XPO1: variants seen among roughly 807,000 people sequenced by gnomAD.
XPO1 encodes exportin 1.
XPO1 carries 5 observed loss-of-function variants against 133.3 expected under a neutral mutation model. The observed-to-expected ratio is 0.04, with a 90% CI of 0.02 to 0.08. XPO1 has a LOEUF of 0.08. Ranked by LOEUF, XPO1 falls within the 10% of genes least tolerant of loss-of-function variation. The pLI, the probability that XPO1 is intolerant of heterozygous loss-of-function variation, is 1.00. For synonymous variants in XPO1, 419 were observed against 408.2 expected, an observed-to-expected ratio of 1.03 and a Z score of -0.32; for missense variants, 506 against 1,267.5, an observed-to-expected ratio of 0.40 and a Z score of 9.12.
chr2:61,495,018 A>G (rs1274821810), intron 11 of XPO1, among the ~76,000 whole-genome samples: 1 of 151,684 alleles, frequency 6.6e-6, no homozygotes, highest in Non-Finnish European at 1.5e-5. Flanking sequence ...ATTTTTTTGT[A>G]TTTTTAATAG....
chr2:61,482,235 G>T (rs2104284476), intron 23 of XPO1, 145 bp downstream of exon 23: 1 of 345,654 alleles, frequency 2.9e-6, no homozygotes, highest in South Asian at 5.7e-5. Context: ...GTAGAGACGG[G>T]ATCTTGTTTT....
At chr2:61,483,381 G>A (rs1696500063) in intron 21 of XPO1, 3 of 300,636 alleles carry the variant, frequency 1.0e-5, no homozygotes, top group Admixed American at 9.9e-5. Flanking sequence ...GGCAGGAGTG[G>A]GTGAGGGATA....
chr2:61,523,705 T>C (rs1698793208), intron 3 of XPO1, among the ~76,000 whole-genome samples: 1 of 152,210 alleles, frequency 6.6e-6, no homozygotes, highest in African/African-American at 2.4e-5. Flanking sequence ...CACAATAAAA[T>C]AGGAGCATTA....
intron 4 of XPO1, among the ~76,000 whole-genome samples, chr2:61,505,952 C>A (rs889138847): frequency 1.3e-5 from 2 of 152,148 alleles, no homozygotes; most frequent in African/African-American, 4.8e-5. Context: ...AGTACTAACC[C>A]TTTTGTTCCT....
intron 4 of XPO1, among the ~76,000 whole-genome samples, chr2:61,513,076 T>C (rs1009594151): frequency 2.6e-5 from 4 of 152,124 alleles, no homozygotes; most frequent in Non-Finnish European, 5.9e-5. Context: ...GATGCTTTTT[T>C]CAGACAGGGT....
chr2:61,510,757 C>G (rs1384444572), intron 4 of XPO1, among the ~76,000 whole-genome samples: 1 of 151,748 alleles, frequency 6.6e-6, no homozygotes, highest in African/African-American at 2.4e-5. Flanking sequence ...GGCAACATAG[C>G]GAGACCCCAT....
In XPO1 at chr2:61,488,277, A is replaced by G; in HGVS notation, c.2207-6T>C. 1 of 1,611,328 alleles carries G rather than the reference A, an allele frequency of 6.2e-7. No individual in the cohort carries two copies. Among genetic ancestry groups the G allele is most frequent in the South Asian group, 1.1e-5 (1 of 90,986 alleles). Reference sequence around the variant, plus strand: ...TTGCTTTGTAACCATTTCACCTACAAAACAGAATCAAATGGAATCTAATTT... The same window carrying G: ...TTGCTTTGTAACCATTTCACCTACAGAACAGAATCAAATGGAATCTAATTT... On this transcript the variant is annotated splice_region_variant and splice_polypyrimidine_tract_variant and intron_variant, in intron 18 of 24. Coordinates refer to ENST00000401558, the MANE Select transcript of XPO1 (RefSeq NM_003400.4).
intron 4 of XPO1, among the ~76,000 whole-genome samples, chr2:61,506,555 T>C (rs948772917): frequency 1.6e-5 from 2 of 126,614 alleles, no homozygotes; most frequent in African/African-American, 3.1e-5. Flanking sequence ...GCCAAGATCG[T>C]GCCACTGCAC....
At chr2:61,538,450 C>G (rs1053374701), upstream of XPO1, 3 of 152,976 alleles carry the variant, frequency 2.0e-5, no homozygotes, top group East Asian at 1.9e-4. Flanking sequence ...CCAGTCAATC[C>G]CGCCTCACGG....
rs372347442 is a variant in XPO1, at chr2:61,492,905, A to C, written c.1384+10T>G. 1.3e-6 allele frequency: 2 copies of C among 1,591,432 alleles called. No homozygotes were observed. Among genetic ancestry groups the C allele is most frequent in the African/African-American group, 2.7e-5 (2 of 74,010 alleles). On this transcript the variant is annotated intron_variant, in intron 13 of 24. Transcript: ENST00000401558. The surrounding 1 kb of genome is among the most constrained non-coding windows in gnomAD (Gnocchi z 5.6). The stretch of plus-strand genomic sequence containing the variant: ...ATAAAGGTAAAGATTAACAGTATTT[A>C]TTAACTTACCCAATGTTTCCCTCAT...
intron 19 of XPO1, 99 bp downstream of exon 19, chr2:61,488,066 T>TA: frequency 2.0e-6 from 2 of 989,634 alleles, no homozygotes; most frequent in Non-Finnish European, 3.1e-6. Flanking sequence ...ACAAAGTTGA[T>TA]ATGCTTTAAA....
At position 61,492,761 on chromosome 2, in the gene XPO1, A is replaced by C; in HGVS notation, c.1385-13T>G. On this transcript the variant is annotated splice_polypyrimidine_tract_variant and intron_variant, in intron 13 of 24. Coordinates refer to ENST00000401558, the MANE Select transcript of XPO1 (RefSeq NM_003400.4). The surrounding 1 kb of genome is among the most constrained non-coding windows in gnomAD (Gnocchi z 5.6). ...TGAGTAAGATAAACTACAAAGAAAAACATGGTTTCAAATGCAAATAATGAG... is the reference window on the plus strand; with the variant it reads ...TGAGTAAGATAAACTACAAAGAAAACCATGGTTTCAAATGCAAATAATGAG... 1 of 1,608,446 alleles carries C rather than the reference A, an allele frequency of 6.2e-7. No homozygotes were observed. Among genetic ancestry groups the C allele is most frequent in the Non-Finnish European group, 8.5e-7 (1 of 1,178,608 alleles).
In XPO1 at chr2:61,490,716, G is replaced by T. The variant is rs1200729174; in HGVS notation, c.1948C>A (p.Gln650Lys). Residue 650 changes from glutamine (Q) to lysine (K), a missense_variant, in exon 17 of 25, where the codon CAA becomes AAA. By Grantham distance (53) the Gln-to-Lys change is moderately conservative. Coordinates refer to ENST00000401558, the MANE Select transcript of XPO1 (RefSeq NM_003400.4). ...ATGTACTTTTCTATCAAGTGTTCTT[G>T]TACTGTTTGATCTGTTTGTGCACCA... Reference protein sequence around the residue: ...MIGAQTDQTVQEHLIEKYMLL... With the variant: ...MIGAQTDQTVKEHLIEKYMLL... The T allele has an allele frequency of 6.2e-7, 1 of 1,613,998 alleles. No individual in the cohort carries two copies.
chr2:61,490,726 A>G lies in XPO1; in HGVS notation c.1938T>C (p.Asp646=). 2 of 1,614,174 alleles carry G rather than the reference A, an allele frequency of 1.2e-6. No individual in the cohort carries two copies. The highest frequency in any genetic ancestry group is 1.1e-5 in the South Asian group (1 of 91,090). Residue 646 remains aspartate, a synonymous_variant, in exon 17 of 25, where the codon GAT becomes GAC. Coordinates refer to ENST00000401558, the MANE Select transcript of XPO1 (RefSeq NM_003400.4). The stretch of plus-strand genomic sequence containing the variant: ...CTATCAAGTGTTCTTGTACTGTTTG[A>G]TCTGTTTGTGCACCAATCATGTACC... The part of the protein sequence containing the change: ...AVGYMIGAQT[D]QTVQEHLIEK...
intron 3 of XPO1, chr2:61,526,072 A>G: frequency 8.9e-7 from 1 of 1,120,746 alleles, no homozygotes; most frequent in East Asian, 4.9e-5. Flanking sequence ...CCTGGCCTGT[A>G]TTATATTGAT....
In XPO1 at chr2:61,497,079, A is replaced by T. The variant is rs1017977520; in HGVS notation, c.760-72T>A. ...ACACTTTACTTAAAATTCACAATTA[A>T]AAGGAAAAAGGCTTTAACAATTAAA... is the stretch of plus-strand genomic sequence containing the variant. On this transcript the variant is annotated intron_variant, in intron 9 of 24. Coordinates refer to ENST00000401558, the MANE Select transcript of XPO1 (RefSeq NM_003400.4). 4 of 1,528,110 alleles carry T rather than the reference A, an allele frequency of 2.6e-6. No individual in the cohort carries two copies. In the African/African-American group the frequency reaches 5.6e-5, roughly 21 times the overall value. The allele number at this position is 1,528,110 out of a possible 1,614,324, so 94.7% of individuals were successfully genotyped here. A position where few individuals can be genotyped will look rare whatever the true frequency, so the allele number is the denominator to read the frequency against.
At chr2:61,494,194 A>G in intron 11 of XPO1, 103 bp from the exon 12 acceptor site, 1 of 1,074,276 alleles carries the variant, frequency 9.3e-7, no homozygotes. Flanking sequence ...TTCATGTTTT[A>G]TTCATCACAA....
chr2:61,527,837 A>G (rs1319190351), intron 2 of XPO1, among the ~76,000 whole-genome samples: 2 of 152,030 alleles, frequency 1.3e-5, no homozygotes, highest in Non-Finnish European at 2.9e-5. Context: ...TGCTTGTATC[A>G]GATTTTCTTT....
At chr2:61,482,860 T>A in intron 22 of XPO1, 97 bp downstream of exon 22, 1 of 1,471,314 alleles carries the variant, frequency 6.8e-7, no homozygotes, top group South Asian at 1.2e-5. Flanking sequence ...CCTGACCTCA[T>A]AATCTCCCCG....
Sources: gnomAD v4.1 joint callset for allele counts (sites outside exome capture counted in the v4.1 genomes callset) on GRCh38, gnomAD v4.1.1 for gene constraint, Gnocchi (gnomAD v3.1) non-coding constraint, MANE v1.5 for transcripts, NCBI Gene and HGNC (gene_info 2026-07-23, HGNC 2026-07-21) for gene names.